PDE3A: variants seen among roughly 807,000 people sequenced by gnomAD.
PDE3A encodes the protein cGMP-inhibited 3',5'-cyclic phosphodiesterase 3A.
In PDE3A, 43 loss-of-function variants were observed where a neutral mutation model predicts 98.3. The observed-to-expected ratio is 0.44, with a 90% confidence interval of 0.34 to 0.56. The LOEUF is 0.56. Ranked by LOEUF, PDE3A falls within the 20% of genes least tolerant of loss-of-function variation. The pLI, the probability that PDE3A is intolerant of heterozygous loss-of-function variation, is 0.01. For synonymous variants in PDE3A, 663 were observed against 567.9 expected (o/e 1.17, Z -2.38); for missense variants, 1,427 against 1,440.7 (o/e 0.99, Z 0.15).
Position 20,621,144 on chromosome 12 carries a change from G to T in PDE3A, c.1425-152G>T, listed in dbSNP as rs1263388811. The T allele has an allele frequency of 1.8e-5, 11 of 603,224 alleles. No homozygotes were observed. The East Asian group carries it at 2.2e-4, about 12-fold the overall frequency. The allele number at this position is 603,224 out of a possible 1,614,324, so 37.4% of individuals were successfully genotyped here. On this transcript the variant is annotated intron_variant, in intron 4 of 15. Transcript: ENST00000359062. ...TTTACATAATCTGTTTCATCATTTG[G>T]AAGTACAGTGGTTCTGTCACTGAAC...
chr12:20,420,900 G>A (rs1019183626), intron 1 of PDE3A, among the ~76,000 whole-genome samples: 25 of 152,094 alleles, frequency 1.6e-4, no homozygotes, highest in African/African-American at 5.3e-4. Flanking sequence ...GTAGGCCATC[G>A]AACTGTACTT....
At chr12:20,500,771 T>TC (rs1488667521) in intron 1 of PDE3A, among the ~76,000 whole-genome samples, 28 of 147,426 alleles carry the variant, frequency 1.9e-4, no homozygotes, top group Non-Finnish European at 3.6e-4. Flanking sequence ...TTTCTTTCTT[T>TC]TTTTTTTTTT....
intron 1 of PDE3A, among the ~76,000 whole-genome samples, chr12:20,515,793 C>T (rs977047901): frequency 1.3e-4 from 20 of 150,168 alleles, no homozygotes; most frequent in South Asian, 6.3e-4. Flanking sequence ...AGTGCAGTGG[C>T]GGGATCTCGG....
intron 1 of PDE3A, among the ~76,000 whole-genome samples, chr12:20,477,487 G>A (rs911484606): frequency 1.3e-5 from 2 of 151,604 alleles, no homozygotes; most frequent in African/African-American, 4.8e-5. Flanking sequence ...CTTTTTTTTT[G>A]GTAGAGTCAT....
At chr12:20,665,982 G>A (rs1480512531) in intron 15 of PDE3A, among the ~76,000 whole-genome samples, 4 of 29,056 alleles carry the variant, frequency 1.4e-4, no homozygotes, top group Non-Finnish European at 2.9e-4. Context: ...TTTTTTTTTT[G>A]AGACCGAGTC....
Position 20,432,738 on chromosome 12 carries a change from A to G in PDE3A, c.960+62494A>G, listed in dbSNP as rs573725237. On this transcript the variant is annotated intron_variant, in intron 1 of 15. Coordinates refer to ENST00000359062, the MANE Select transcript of PDE3A (RefSeq NM_000921.5). ...TTATTTCACCTACTTTCTGAGCAAT[A>G]TTTTTTAAAACCTGTGTTACATTTC... Among the ~76,000 whole-genome samples, 8 of 152,288 alleles carry G rather than the reference A, an allele frequency of 5.3e-5. No individual in the cohort carries two copies. In the South Asian group the frequency reaches 1.7e-3, roughly 32 times the overall value.
intron 2 of PDE3A, among the ~76,000 whole-genome samples, chr12:20,601,884 G>A (rs1392663474): frequency 6.6e-6 from 1 of 152,020 alleles, no homozygotes; most frequent in Non-Finnish European, 1.5e-5. Context: ...GCCATCTGTT[G>A]TTCACTGAAG....
chr12:20,674,635 T>C (rs1945585215), intron 15 of PDE3A, among the ~76,000 whole-genome samples: 1 of 152,178 alleles, frequency 6.6e-6, no homozygotes, highest in Admixed American at 6.5e-5. Flanking sequence ...TGATTACTTA[T>C]TATTGGTCTA....
chr12:20,505,197 A>G (rs187471534), intron 1 of PDE3A, among the ~76,000 whole-genome samples: 11 of 152,252 alleles, frequency 7.2e-5, no homozygotes, highest in Non-Finnish European at 1.5e-4. Flanking sequence ...AGATCCTGGT[A>G]CAGTAAATTC....
intron 2 of PDE3A, among the ~76,000 whole-genome samples, chr12:20,569,616 A>G (rs1340804788): frequency 2.0e-5 from 3 of 152,206 alleles, no homozygotes; most frequent in African/African-American, 4.8e-5. Context: ...CAAAAAGAAG[A>G]ATATGTAGCT....
At chr12:20,451,853 A>G (rs1348814009) in intron 1 of PDE3A, among the ~76,000 whole-genome samples, 1 of 152,192 alleles carries the variant, frequency 6.6e-6, no homozygotes, top group Admixed American at 6.5e-5. Context: ...GCAGTTGTAC[A>G]TGGCACACAG....
intron 1 of PDE3A, among the ~76,000 whole-genome samples, chr12:20,374,108 G>A (rs1943529497): frequency 6.6e-6 from 1 of 151,974 alleles, no homozygotes; most frequent in African/African-American, 2.4e-5. Context: ...CTTATGACTT[G>A]GTGACAGAAT....
At chr12:20,474,602 A>G (rs1281489199) in intron 1 of PDE3A, among the ~76,000 whole-genome samples, 10 of 152,228 alleles carry the variant, frequency 6.6e-5, no homozygotes, top group Admixed American at 5.2e-4. Flanking sequence ...AGGAGACTCC[A>G]GGGGAAAATT....
chr12:20,687,418 C>A lies in PDE3A; in HGVS notation c.*7147C>A, dbSNP rs7978860. On this transcript the variant is annotated 3_prime_UTR_variant, in exon 16 of 16. Transcript: ENST00000359062. ...TGGCTTTACTTAATACATATTTGTT[C>A]ATCAGCTTAAAAAATCACTAAATTT... Among the ~76,000 whole-genome samples, 3,277 of 151,944 alleles carry A rather than the reference C, an allele frequency of 0.022. 108 individuals carry two copies. The highest frequency in any genetic ancestry group is 0.075 in the African/African-American group (3,108 of 41,452).
In PDE3A at chr12:20,647,313, C is replaced by A. The variant is rs149936366; in HGVS notation, c.2565+363C>A. 2.4e-4 allele frequency among the ~76,000 whole-genome samples: 37 copies of A among 152,232 alleles called. 2 individuals are homozygous for A. In the East Asian group the frequency reaches 6.7e-3, roughly 28 times the overall value. On this transcript the variant is annotated intron_variant, in intron 12 of 15. Coordinates refer to ENST00000359062, the MANE Select transcript of PDE3A (RefSeq NM_000921.5). ...TTGGACTTTTAAGAATGTAAGGTTTCTTTGTATATAAATACCATTCCTTTG... is the reference window on the plus strand; with the variant it reads ...TTGGACTTTTAAGAATGTAAGGTTTATTTGTATATAAATACCATTCCTTTG...
rs1282070937 is a variant in PDE3A at position 20,552,493 on chromosome 12, AAGG to A, written c.961-4164_961-4162del. On this transcript the variant is annotated intron_variant, in intron 1 of 15. Coordinates refer to ENST00000359062, the MANE Select transcript of PDE3A (RefSeq NM_000921.5). This position sits in a 1 kb window ranked among gnomAD's most constrained non-coding sequence, Gnocchi z 5.1. ...AGCCCTGGCCAACCGAGAGCGAGAG[AAGG>A]AGAACAGCAAGAGGGAGGAGGAGGA... 2 of 1,612,932 alleles carry A rather than the reference AAGG, an allele frequency of 1.2e-6. No individual in the cohort carries two copies. Among genetic ancestry groups the A allele is most frequent in the Middle Eastern group, 1.7e-4 (1 of 5,798 alleles).
chr12:20,393,750 G>A (rs1279223975), intron 1 of PDE3A, among the ~76,000 whole-genome samples: 5 of 152,082 alleles, frequency 3.3e-5, no homozygotes, highest in East Asian at 1.9e-4. Context: ...AGGTGGCACC[G>A]TTAATGGTGA....
intron 1 of PDE3A, among the ~76,000 whole-genome samples, chr12:20,504,075 T>A (rs776557980): frequency 1.3e-5 from 2 of 152,174 alleles, no homozygotes; most frequent in Non-Finnish European, 2.9e-5. Flanking sequence ...ACTAGTTAGA[T>A]CTGGGAAAGT....
chr12:20,386,018 A>AAT (rs1418640590), intron 1 of PDE3A, among the ~76,000 whole-genome samples: 5 of 78,624 alleles, frequency 6.4e-5, no homozygotes, highest in Non-Finnish European at 9.5e-5. Flanking sequence ...ATATATATAA[A>AAT]ATATATATAT....
Sources: allele counts gnomAD v4.1 joint callset (sites outside exome capture counted in the v4.1 genomes callset), GRCh38; gene constraint gnomAD v4.1.1; non-coding constraint Gnocchi (gnomAD v3.1); transcripts MANE v1.5; gene names NCBI Gene and HGNC (gene_info 2026-07-23, HGNC 2026-07-21).